Variants in NUP37 observed in about 807,000 individuals in gnomAD.
NUP37 encodes the protein nucleoporin 37, also known as nucleoporin Nup37.
NUP37 carries 33 observed loss-of-function variants against 45.4 expected under a neutral mutation model. The observed-to-expected ratio is 0.73, with a 90% CI of 0.55 to 0.97. The LOEUF is 0.97. Among genes scored for constraint, NUP37 ranks in the 50% least tolerant of loss-of-function variants. The probability of loss-of-function intolerance (pLI) is 0.00; values close to 1 mark genes in which losing one functional copy is unlikely to be tolerated. For missense variants in NUP37, 365 were observed against 389.7 expected (o/e 0.94, Z 0.53); for synonymous variants, 127 against 130.7 (o/e 0.97, Z 0.19).
intron 2 of NUP37, among the ~76,000 whole-genome samples, chr12:102,116,260 C>G (rs115805756): frequency 0.01 from 1,583 of 152,254 alleles, 20 homozygotes; most frequent in African/African-American, 0.036. Flanking sequence ...ATTTCTTAAT[C>G]ATAAATGAGA....
At chr12:102,104,766 G>A (rs919184572) in intron 3 of NUP37, among the ~76,000 whole-genome samples, 1 of 152,108 alleles carries the variant, frequency 6.6e-6, no homozygotes, top group Non-Finnish European at 1.5e-5. Context: ...CTATGTGAAG[G>A]TATTTTTCCT....
At chr12:102,086,008 C>A (rs556436360) in intron 5 of NUP37, 152 bp from the exon 6 acceptor site, 14 of 434,912 alleles carry the variant, frequency 3.2e-5, no homozygotes, top group Non-Finnish European at 4.6e-5. Flanking sequence ...AATTATAACA[C>A]CACTTTTAAG....
Position 102,120,040 on chromosome 12 carries a change from C to T in NUP37, c.-66+10G>A, listed in dbSNP as rs1255984535. On this transcript the variant is annotated intron_variant, in intron 1 of 9. Transcript: ENST00000552283. ...ATCCCGGCCTCTCGGGCTCCCAGCT[C>T]GATACGCACCGCAGAGCGCCAGGAA... The T allele has an allele frequency of 6.5e-6, 1 of 153,976 alleles. No individual in the cohort carries two copies. Among genetic ancestry groups the T allele is most frequent in the Non-Finnish European group, 1.4e-5 (1 of 68,980 alleles). The allele number at this position is 153,976 out of a possible 1,614,324, so 9.5% of individuals were successfully genotyped here.
chr12:102,100,289 G>C (rs1180240201), intron 4 of NUP37, among the ~76,000 whole-genome samples: 1 of 152,104 alleles, frequency 6.6e-6, no homozygotes, highest in Non-Finnish European at 1.5e-5. Context: ...GGAAAGGTTT[G>C]TAATTTATCT....
Position 102,074,454 on chromosome 12 carries a change from C to T in NUP37, c.881G>A (p.Gly294Asp), listed in dbSNP as rs1233928408. 1 of 1,604,304 alleles carries T rather than the reference C, an allele frequency of 6.2e-7. No individual in the cohort carries two copies. The stretch of plus-strand genomic sequence containing the variant: ...CAGTCCAGATCCAACGGCTACAGAA[C>T]CCATGAGGATGGGCTATAAAATATG... ...HLGHPQPILM[G>D]SVAVGSGLSW... Residue 294 changes from glycine (G) to aspartate (D), a missense_variant, in exon 10 of 10, where the codon GGT becomes GAT. By Grantham distance (94) the Gly-to-Asp change is moderately conservative. Transcript: ENST00000552283.
chr12:102,089,495 A>G (rs7973378), intron 5 of NUP37, among the ~76,000 whole-genome samples: 37,782 of 126,594 alleles, frequency 0.3, 5,019 homozygotes, highest in East Asian at 0.44. Context: ...CAGACGGGGC[A>G]GCCAGGCAGA....
chr12:102,077,261 C>T, intron 7 of NUP37, 61 bp downstream of exon 7: 3 of 1,537,886 alleles, frequency 2.0e-6, no homozygotes, highest in Non-Finnish European at 2.7e-6. Flanking sequence ...ATGAGTGGAT[C>T]ATTTAGCAAC....
intron 3 of NUP37, among the ~76,000 whole-genome samples, chr12:102,108,972 G>A (rs1043151137): frequency 6.6e-6 from 1 of 152,194 alleles, no homozygotes; most frequent in African/African-American, 2.4e-5. Flanking sequence ...CAGTAAAAAT[G>A]TCAGCAAATA....
intron 2 of NUP37, chr12:102,115,861 GGT>G (rs1430700922): frequency 4.3e-6 from 4 of 939,978 alleles, no homozygotes; most frequent in Admixed American, 1.2e-4. Flanking sequence ...GGAACTTGAA[GGT>G]TCTAGGACAA....
intron 2 of NUP37, among the ~76,000 whole-genome samples, chr12:102,115,652 A>C (rs1442542131): frequency 6.6e-6 from 1 of 152,220 alleles, no homozygotes; most frequent in East Asian, 1.9e-4. Flanking sequence ...TCAGAAGCTC[A>C]TATGTCCATC....
intron 5 of NUP37, among the ~76,000 whole-genome samples, chr12:102,097,062 G>A (rs897289322): frequency 2.0e-5 from 3 of 151,992 alleles, no homozygotes; most frequent in African/African-American, 4.8e-5. Flanking sequence ...TCTGCTCCAC[G>A]TGTTTCTCAT....
intron 5 of NUP37, among the ~76,000 whole-genome samples, chr12:102,096,722 CAT>C (rs961788455): frequency 2.0e-5 from 3 of 152,080 alleles, no homozygotes; most frequent in Non-Finnish European, 2.9e-5. Context: ...TACATTATCA[CAT>C]ATGTCCTCTT....
At chr12:102,110,684 A>C (rs115382987) in intron 3 of NUP37, among the ~76,000 whole-genome samples, 1,583 of 152,264 alleles carry the variant, frequency 0.01, 21 homozygotes, top group African/African-American at 0.036. Flanking sequence ...CCTACAAAAA[A>C]TACCAAAATT....
At chr12:102,079,085 G>T (rs775666299) in intron 6 of NUP37, 6 of 407,866 alleles carry the variant, frequency 1.5e-5, no homozygotes, top group Admixed American at 2.9e-5. Flanking sequence ...TTTAATTCTG[G>T]TTCTATTAAG....
At chr12:102,088,615 G>A (rs551546322) in intron 5 of NUP37, among the ~76,000 whole-genome samples, 2 of 150,832 alleles carry the variant, frequency 1.3e-5, no homozygotes, top group African/African-American at 4.9e-5. Flanking sequence ...TATTTTCTTG[G>A]TCTGACTTCT....
At chr12:102,110,287 C>T (rs766523950) in intron 3 of NUP37, among the ~76,000 whole-genome samples, 7 of 151,916 alleles carry the variant, frequency 4.6e-5, no homozygotes, top group Non-Finnish European at 7.4e-5. Context: ...ATTGCTCGAG[C>T]CTGGGTGCTC....
chr12:102,085,361 G>A (rs539594438), intron 6 of NUP37, among the ~76,000 whole-genome samples: 1 of 152,058 alleles, frequency 6.6e-6, no homozygotes, highest in African/African-American at 2.4e-5. Flanking sequence ...GGCGGAGGCT[G>A]CAATGAGCCA....
intron 3 of NUP37, among the ~76,000 whole-genome samples, chr12:102,104,111 C>A (rs1880053102): frequency 6.6e-6 from 1 of 152,176 alleles, no homozygotes; most frequent in African/African-American, 2.4e-5. Flanking sequence ...TCAATTTCTC[C>A]ACATCCCGGG....
At chr12:102,117,614 TGA>T (rs1364598139) in intron 2 of NUP37, among the ~76,000 whole-genome samples, 1 of 152,232 alleles carries the variant, frequency 6.6e-6, no homozygotes, top group African/African-American at 2.4e-5. Flanking sequence ...TGATTAAACC[TGA>T]GAGTGTTACC....
Sources: gnomAD v4.1 joint callset for allele counts (sites outside exome capture counted in the v4.1 genomes callset) on GRCh38, gnomAD v4.1.1 for gene constraint, MANE v1.5 for transcripts, NCBI Gene and HGNC (gene_info 2026-07-23, HGNC 2026-07-21) for gene names.